The following PTCH1 variants were observed in gnomAD, a reference collection of about 807,000 sequenced individuals.
PTCH1 encodes protein patched homolog 1.
PTCH1 carries 14 observed loss-of-function variants against 144.6 expected under a neutral mutation model. That is an observed-to-expected ratio of 0.10 (90% confidence interval 0.06 to 0.15). The LOEUF (loss-of-function observed/expected upper bound fraction) is 0.15. Among genes scored for constraint, PTCH1 ranks in the 10% least tolerant of loss-of-function variants. PTCH1 has a pLI of 1.00. For synonymous variants in PTCH1, 833 were observed against 793.6 expected (o/e 1.05, Z -0.83); for missense variants, 1,623 against 1,948.3 (o/e 0.83, Z 3.14).
intron 2 of PTCH1, chr9:95,494,152 C>G (rs773620586): frequency 1.0e-6 from 1 of 963,246 alleles, no homozygotes; most frequent in African/African-American, 1.8e-5. Flanking sequence ...GGTTCTGCAA[C>G]GCGCATGCGC....
intron 15 of PTCH1, among the ~76,000 whole-genome samples, chr9:95,464,991 G>A (rs1215805551): frequency 7.2e-5 from 11 of 152,048 alleles, no homozygotes; most frequent in Admixed American, 7.2e-4. Flanking sequence ...TCCCAGGGCT[G>A]CCTGGGACCC....
chr9:95,510,616 TTTA>T (rs1844101358), upstream of PTCH1, among the ~76,000 whole-genome samples: 1 of 151,756 alleles, frequency 6.6e-6, no homozygotes, highest in Non-Finnish European at 1.5e-5. Flanking sequence ...TTTGCTTCAC[TTTA>T]TTTTTTTTTT....
At chr9:95,479,872 A>G in intron 7 of PTCH1, 97 bp downstream of exon 7, 1 of 1,579,266 alleles carries the variant, frequency 6.3e-7, no homozygotes, top group Non-Finnish European at 8.7e-7. Context: ...CGGTTTAAGT[A>G]TTAATACAAA....
At chr9:95,450,671 G>A (rs1838376935) in intron 20 of PTCH1, 1 of 152,844 alleles carries the variant, frequency 6.5e-6, no homozygotes, top group South Asian at 2.1e-4. Context: ...CACAATGGCG[G>A]GGCTGCTCTG....
rs1278792821 is a variant in PTCH1, at chr9:95,469,156, G to GA, written c.1848-4dup. On this transcript the variant is annotated splice_region_variant and splice_polypyrimidine_tract_variant and intron_variant, in intron 13 of 23. Transcript: ENST00000331920. ...GAATCACTCTGCTGACGCAGGGGCT[G>GA]AAAGGAGGGGAAACATGTTGCAATG... is the stretch of plus-strand genomic sequence containing the variant. 1 of 1,614,102 alleles carries GA rather than the reference G, an allele frequency of 6.2e-7. No individual in the cohort carries two copies. Among genetic ancestry groups the GA allele is most frequent in the African/African-American group, 1.3e-5 (1 of 75,044 alleles).
intron 5 of PTCH1, 27 bp from the exon 6 acceptor site, chr9:95,480,615 C>A (rs1414808062): frequency 2.5e-6 from 4 of 1,598,586 alleles, no homozygotes; most frequent in South Asian, 1.1e-5. Context: ...GAGACGAGAC[C>A]ATGAAAAGAG....
At chr9:95,510,932 G>A (rs1374227879), upstream of PTCH1, among the ~76,000 whole-genome samples, 2 of 150,546 alleles carry the variant, frequency 1.3e-5, no homozygotes, top group African/African-American at 4.9e-5. Context: ...CGCCGGGCCG[G>A]CTCCGGGCCT....
chr9:95,510,684 G>A (rs1158155388), upstream of PTCH1, among the ~76,000 whole-genome samples: 1 of 151,792 alleles, frequency 6.6e-6, no homozygotes, highest in African/African-American at 2.4e-5. Flanking sequence ...TAGTGAAGTC[G>A]TGAAATGGGG....
Position 95,470,674 on chromosome 9 carries a change from A to T in PTCH1, c.1729-743T>A, listed in dbSNP as rs481783. 2.4e-3 allele frequency among the ~76,000 whole-genome samples: 370 copies of T among 152,304 alleles called. 1 individual carries two copies. The highest frequency in any genetic ancestry group is 3.1e-3 in the Non-Finnish European group (214 of 68,018). ...GCTGTTAATAGGGGAAGCCAACAGAAGCCGGTGGAAGTCGACCCAGCTCGG... is the reference window on the plus strand; with the variant it reads ...GCTGTTAATAGGGGAAGCCAACAGATGCCGGTGGAAGTCGACCCAGCTCGG... On this transcript the variant is annotated intron_variant, in intron 12 of 23. Coordinates refer to ENST00000331920, the MANE Select transcript of PTCH1 (RefSeq NM_000264.5).
At chr9:95,469,753 A>T in intron 13 of PTCH1, 60 bp downstream of exon 13, 1 of 1,444,396 alleles carries the variant, frequency 6.9e-7, no homozygotes, top group Non-Finnish European at 9.7e-7. Context: ...AGGCTGAAAG[A>T]GTTCTCTCAC....
In PTCH1 at chr9:95,447,080, G is replaced by A. The variant is rs770479209; in HGVS notation, c.4176C>T (p.Asn1392=). ...AGCCTGGGCAGAGTCCCCCTCGGGG[G>A]TTCCGCCCAGGCCCAGGGACAGGCG... ...HPPPVPGPGR[N]PRGGLCPGYP... The change falls in exon 23 of 24, where the codon AAC becomes AAT. Residue 1392 remains asparagine (N), a synonymous_variant. Transcript: ENST00000331920. 8.1e-6 allele frequency: 13 copies of A among 1,613,872 alleles called. No homozygotes were observed. In the East Asian group the frequency reaches 2.7e-4, roughly 33 times the overall value.
intron 12 of PTCH1, among the ~76,000 whole-genome samples, chr9:95,471,613 T>C (rs1840587520): frequency 6.6e-6 from 1 of 152,206 alleles, no homozygotes; most frequent in Non-Finnish European, 1.5e-5. Flanking sequence ...GAGCCAGACC[T>C]ATACACAAAT....
chr9:95,508,115 G>A (rs1296450715), intron 1 of PTCH1, 46 bp downstream of exon 1: 3 of 1,607,162 alleles, frequency 1.9e-6, no homozygotes, highest in South Asian at 2.2e-5. Flanking sequence ...ATCCCAAAGA[G>A]TTAGAGGAGG....
rs546483462 is a variant in PTCH1, at chr9:95,507,068, A to T, written c.202-469T>A. The T allele has an allele frequency of 1.5e-3, 1,469 of 986,654 alleles. 20 individuals carry two copies. In the African/African-American group the frequency reaches 0.024, roughly 16 times the overall value. The allele number at this position is 986,654 out of a possible 1,614,324, so 61.1% of individuals were successfully genotyped here. A position where few individuals can be genotyped will look rare whatever the true frequency, so the allele number is the denominator to read the frequency against. ...AGGGGCGAGCGCTCTTTGGAACAAC[A>T]TATTGCGGGTTCCCCCAACTGGACC... On this transcript the variant is annotated intron_variant, in intron 1 of 23. Transcript: ENST00000331920.
Position 95,449,439 on chromosome 9 carries a change from G to A in PTCH1, c.3550-116C>T, listed in dbSNP as rs1429448555. The A allele has an allele frequency of 1.1e-5, 15 of 1,416,726 alleles. No individual in the cohort carries two copies. Among genetic ancestry groups the A allele is most frequent in the South Asian group, 3.7e-5 (3 of 81,136 alleles). The allele number at this position is 1,416,726 out of a possible 1,614,324, so 87.8% of individuals were successfully genotyped here. On this transcript the variant is annotated intron_variant, in intron 21 of 23. Coordinates refer to ENST00000331920, the MANE Select transcript of PTCH1 (RefSeq NM_000264.5). The surrounding 1 kb of genome is among the most constrained non-coding windows in gnomAD (Gnocchi z 5.3). The stretch of plus-strand genomic sequence containing the variant: ...TCTGTTCCCTGCCCTGGGGCCCTGC[G>A]CACTGTGCCGTATTAACCTCCCCTT...
chr9:95,467,521 C>T, intron 14 of PTCH1, 96 bp from the exon 15 acceptor site: 2 of 1,246,758 alleles, frequency 1.6e-6, no homozygotes, highest in Non-Finnish European at 2.3e-6. Flanking sequence ...GTTTTCACCA[C>T]CACACTTAAA....
At chr9:95,471,774 T>G (rs1363284182) in intron 12 of PTCH1, among the ~76,000 whole-genome samples, 1 of 152,160 alleles carries the variant, frequency 6.6e-6, no homozygotes, top group Non-Finnish European at 1.5e-5. Context: ...GCACAGTGGC[T>G]CATGCCTGTA....
In PTCH1 at chr9:95,507,457, T is replaced by C; in HGVS notation, c.201+704A>G. On this transcript the variant is annotated intron_variant, in intron 1 of 23. Transcript: ENST00000331920. ...ATTTCAGCGAGCCTCGTAAACACAA[T>C]GAACCCGGCAGCTCCGCAGACTCGC... The C allele has an allele frequency of 2.0e-6, 2 of 984,168 alleles. 1 individual carries two copies. The highest frequency in any genetic ancestry group is 1.0e-3 in the Middle Eastern group (2 of 1,914). The allele number at this position is 984,168 out of a possible 1,614,324, so 61.0% of individuals were successfully genotyped here.
At position 95,449,324 on chromosome 9, in the gene PTCH1, C is replaced by G. The variant is rs2136603135; in HGVS notation, c.3550-1G>C. On this transcript the variant is annotated splice_acceptor_variant, in intron 21 of 23. Transcript: ENST00000331920. LOFTEE classifies it high-confidence loss of function. This position sits in a 1 kb window ranked among gnomAD's most constrained non-coding sequence, Gnocchi z 5.3. ...GGTTCAAGCCGTTGGCTGGAGACAC[C>G]TATTTAAGGGGATTCCATGTTAAAA... The G allele has an allele frequency of 6.5e-7, 1 of 1,547,522 alleles. No homozygotes were observed. Among genetic ancestry groups the G allele is most frequent in the Non-Finnish European group, 8.7e-7 (1 of 1,148,362 alleles).
Sources: allele counts gnomAD v4.1 joint callset (sites outside exome capture counted in the v4.1 genomes callset), GRCh38; gene constraint gnomAD v4.1.1; non-coding constraint Gnocchi (gnomAD v3.1); transcripts MANE v1.5; gene names NCBI Gene and HGNC (gene_info 2026-07-23, HGNC 2026-07-21).